The following ACVR2A variants were observed in gnomAD, a reference collection of about 807,000 sequenced individuals.
The protein encoded by ACVR2A is activin A receptor type 2A.
A neutral mutation model predicts 61.4 loss-of-function variants in ACVR2A; 7 were observed. That is an observed-to-expected ratio of 0.11 (90% CI 0.06 to 0.21). The LOEUF (loss-of-function observed/expected upper bound fraction) is 0.21, where lower values mean the gene tolerates loss of function less well. Ranked by LOEUF, ACVR2A falls within the 10% of genes least tolerant of loss-of-function variation. ACVR2A has a pLI of 1.00. For synonymous variants in ACVR2A, 193 were observed against 208.3 expected (o/e 0.93, Z 0.63); for missense variants, 322 against 621.7 (o/e 0.52, Z 5.13).
intron 1 of ACVR2A, among the ~76,000 whole-genome samples, chr2:147,884,603 A>C (rs1008201118): frequency 6.6e-6 from 1 of 152,182 alleles, no homozygotes; most frequent in Non-Finnish European, 1.5e-5. Flanking sequence ...AGTTTATAAG[A>C]TAAAACATTT....
intron 1 of ACVR2A, among the ~76,000 whole-genome samples, chr2:147,845,760 A>G (rs1462982412): frequency 1.3e-5 from 2 of 152,314 alleles, no homozygotes; most frequent in East Asian, 1.9e-4. Flanking sequence ...AGCGTCCAGC[A>G]GTGTTAAAAA....
chr2:147,855,550 A>G (rs1302418548), intron 1 of ACVR2A, among the ~76,000 whole-genome samples: 1 of 152,242 alleles, frequency 6.6e-6, no homozygotes, highest in Non-Finnish European at 1.5e-5. Flanking sequence ...CTGTTGCATC[A>G]GTGTAAGCTA....
intron 1 of ACVR2A, among the ~76,000 whole-genome samples, chr2:147,853,407 A>T (rs563720306): frequency 1.3e-5 from 2 of 152,174 alleles, no homozygotes; most frequent in East Asian, 3.9e-4. Flanking sequence ...TCCAGATTAT[A>T]TTCTTTGAAA....
At chr2:147,882,811 AAG>A (rs1224907802) in intron 1 of ACVR2A, among the ~76,000 whole-genome samples, 1 of 69,566 alleles carries the variant, frequency 1.4e-5, no homozygotes, top group Non-Finnish European at 3.1e-5. Context: ...TATTACAGAC[AAG>A]AGGAAAAAAA....
intron 4 of ACVR2A, among the ~76,000 whole-genome samples, chr2:147,912,782 T>C (rs1687149949): frequency 6.6e-6 from 1 of 151,996 alleles, no homozygotes; most frequent in Non-Finnish European, 1.5e-5. Flanking sequence ...AAGAATATTA[T>C]TTAAAATTCC....
At chr2:147,898,285 A>G (rs1686790104) in intron 2 of ACVR2A, 2 of 152,164 alleles carry the variant, frequency 1.3e-5, no homozygotes, top group South Asian at 2.1e-4. Flanking sequence ...AGAATTGTCA[A>G]AGTGTGGAAG....
chr2:147,874,964 T>C (rs1235455999), intron 1 of ACVR2A, among the ~76,000 whole-genome samples: 1 of 151,996 alleles, frequency 6.6e-6, no homozygotes. Context: ...CATTAAGTAG[T>C]TTTTGATGAC....
rs777511018 is a variant in ACVR2A at position 147,915,275 on chromosome 2, T to A, written c.613T>A (p.Cys205Ser). 6.2e-7 allele frequency: 1 copy of A among 1,612,398 alleles called. No individual in the cohort carries two copies. The highest frequency in any genetic ancestry group is 1.1e-5 in the South Asian group (1 of 91,040). The change falls in exon 5 of 11, where the codon TGT becomes AGT. Residue 205 changes from cysteine (C) to serine (S), a missense_variant. Transcript: ENST00000241416. ...AGTGAAAGCAAGGGGAAGATTTGGTTGTGTCTGGAAAGCCCAGTTGCTTAA... is the reference window on the plus strand; with the variant it reads ...AGTGAAAGCAAGGGGAAGATTTGGTAGTGTCTGGAAAGCCCAGTTGCTTAA... ...LEVKARGRFG[C>S]VWKAQLLNEY...
At chr2:147,863,245 C>A (rs934549371) in intron 1 of ACVR2A, among the ~76,000 whole-genome samples, 58 of 152,176 alleles carry the variant, frequency 3.8e-4, no homozygotes, top group South Asian at 2.1e-4. Flanking sequence ...GTTGCCAGCA[C>A]CCCTTGAAAC....
chr2:147,856,679 GAAT>G (rs1329752156), intron 1 of ACVR2A, among the ~76,000 whole-genome samples: 2 of 152,080 alleles, frequency 1.3e-5, no homozygotes, highest in East Asian at 3.8e-4. Flanking sequence ...GATAAATAAT[GAAT>G]AATTGCAAGA....
chr2:147,856,367 A>AT (rs1239565897), intron 1 of ACVR2A, among the ~76,000 whole-genome samples: 2 of 152,288 alleles, frequency 1.3e-5, no homozygotes, highest in Admixed American at 6.5e-5. Context: ...TTTCACTTGG[A>AT]TTTTTTCATT....
chr2:147,880,708 A>C (rs1261474948), intron 1 of ACVR2A, among the ~76,000 whole-genome samples: 1 of 152,176 alleles, frequency 6.6e-6, no homozygotes, highest in African/African-American at 2.4e-5. Flanking sequence ...GCTATTTCTC[A>C]AACTTTGGAA....
chr2:147,851,280 G>A (rs1022279143), intron 1 of ACVR2A, among the ~76,000 whole-genome samples: 2 of 152,018 alleles, frequency 1.3e-5, no homozygotes, highest in African/African-American at 4.8e-5. Context: ...TCTTGGTATT[G>A]GTTAAGAGTA....
intron 10 of ACVR2A, among the ~76,000 whole-genome samples, 190 bp downstream of exon 10, chr2:147,926,351 A>G (rs1256217439): frequency 6.6e-6 from 1 of 151,900 alleles, no homozygotes; most frequent in Non-Finnish European, 1.5e-5. Flanking sequence ...TTGTAAAGTA[A>G]TAGAGCTTTA....
intron 4 of ACVR2A, among the ~76,000 whole-genome samples, chr2:147,906,133 C>A (rs1348844463): frequency 2.0e-5 from 3 of 152,006 alleles, no homozygotes; most frequent in Non-Finnish European, 4.4e-5. Context: ...TTTCCTGGAC[C>A]TCATCCTAGA....
At chr2:147,878,063 A>G (rs1481179684) in intron 1 of ACVR2A, among the ~76,000 whole-genome samples, 1 of 152,200 alleles carries the variant, frequency 6.6e-6, no homozygotes, top group African/African-American at 2.4e-5. Flanking sequence ...GGCAAAATCT[A>G]TAGAGCTACT....
chr2:147,877,147 A>T (rs909941190), intron 1 of ACVR2A, among the ~76,000 whole-genome samples: 5 of 152,158 alleles, frequency 3.3e-5, no homozygotes, highest in Non-Finnish European at 5.9e-5. Context: ...AACATGGAGA[A>T]AAGTGCCCTA....
chr2:147,874,727 G>A lies in ACVR2A; in HGVS notation c.56-21574G>A, dbSNP rs561214033. Among the ~76,000 whole-genome samples the A allele has an allele frequency of 2.0e-5, 3 of 152,100 alleles. No homozygotes were observed. In the South Asian group the frequency reaches 6.2e-4, roughly 32 times the overall value. ...TCTAAGATCTGGTTTGGTTCAAGAT[G>A]AATCTACTACGCACTGTGTTAATCT... On this transcript the variant is annotated intron_variant, in intron 1 of 10. Coordinates refer to ENST00000241416, the MANE Select transcript of ACVR2A (RefSeq NM_001616.5).
intron 6 of ACVR2A, 147 bp downstream of exon 6, chr2:147,917,573 A>C (rs1687276747): frequency 1.8e-5 from 18 of 1,028,148 alleles, no homozygotes; most frequent in Non-Finnish European, 2.0e-5. Context: ...TTGAATAAAA[A>C]TGTTTTAAAA....
Sources: gnomAD v4.1 joint callset for allele counts (sites outside exome capture counted in the v4.1 genomes callset) on GRCh38, gnomAD v4.1.1 for gene constraint, MANE v1.5 for transcripts, NCBI Gene and HGNC (gene_info 2026-07-23, HGNC 2026-07-21) for gene names.